Variants in COL11A1 observed in about 807,000 individuals in gnomAD.
The protein encoded by COL11A1 is collagen type XI alpha 1 chain.
Under a neutral mutation model 265.2 loss-of-function variants are expected in COL11A1, and 74 were observed. The observed-to-expected ratio is 0.28, with a 90% confidence interval of 0.23 to 0.34. The LOEUF (loss-of-function observed/expected upper bound fraction) is 0.34. Among genes scored for constraint, COL11A1 ranks in the 10% least tolerant of loss-of-function variants. The pLI, the probability that COL11A1 is intolerant of heterozygous loss-of-function variation, is 1.00. For missense variants in COL11A1, 2,165 were observed against 2,263.6 expected (o/e 0.96, Z 0.88); for synonymous variants, 816 against 727.6 (o/e 1.12, Z -1.96).
At chr1:103,052,369 A>G (rs1669903543) in intron 4 of COL11A1, among the ~76,000 whole-genome samples, 1 of 152,206 alleles carries the variant, frequency 6.6e-6, no homozygotes, top group African/African-American at 2.4e-5. Context: ...GGGCTTTTAC[A>G]CACTAACCCA....
rs762874571 is a variant in COL11A1, at chr1:102,997,092, T to C, written c.2229A>G (p.Glu743=). 6 of 1,611,914 alleles carry C rather than the reference T, an allele frequency of 3.7e-6. No individual in the cohort carries two copies. The South Asian group carries it at 6.6e-5, about 18-fold the overall frequency. The stretch of plus-strand genomic sequence containing the variant: ...CTTTGGAACCTACCAGAGCCCCCTT[T>C]TCTCCAGACTGGCCTTCTTTCCCAG... The part of the protein sequence containing the change: ...GHPGKEGQSG[E]KGALGPPGPQ... The change falls in exon 26 of 67, where the codon GAA becomes GAG. Residue 743 remains glutamate, a synonymous_variant. Coordinates refer to ENST00000370096, the MANE Select transcript of COL11A1 (RefSeq NM_001854.4).
Position 102,913,637 on chromosome 1 carries a change from C to T in COL11A1, c.4032G>A (p.Pro1344=), listed in dbSNP as rs147637674. ...DKGEDGDPGQ[P]GPPGPSGEAG... is the part of the protein sequence containing the mutation. Reference sequence around the variant, plus strand: ...AAAATAAATTAGTGCATTTACTCACCGGTTGACCAGGATCTCCATCTTCAC... The same window carrying T: ...AAAATAAATTAGTGCATTTACTCACTGGTTGACCAGGATCTCCATCTTCAC... The change falls in exon 53 of 67, where the codon CCG becomes CCA. Residue 1344 remains proline (P), a splice_region_variant and synonymous_variant. Transcript: ENST00000370096. 1,799 of 1,613,020 alleles carry T rather than the reference C, an allele frequency of 1.1e-3. 2 individuals carry two copies. Among genetic ancestry groups the T allele is most frequent in the Non-Finnish European group, 1.3e-3 (1,575 of 1,179,256 alleles).
In COL11A1 at chr1:102,984,157, G is replaced by A. The variant is rs1308067070; in HGVS notation, c.2537C>T (p.Pro846Leu). 7 of 1,601,176 alleles carry A rather than the reference G, an allele frequency of 4.4e-6. No individual in the cohort carries two copies. The Admixed American group carries it at 1.2e-4, about 27-fold the overall frequency. The change falls in exon 31 of 67, where the codon CCA becomes CTA. Residue 846 changes from proline (P) to leucine (L), a missense_variant. Transcript: ENST00000370096. ...KLGVPGLPGY[P>L]GRQGPKGSTG... ...TTTTACCTTTGGACCTTGTCTTCCT[G>A]GATATCCTGGTAATCCTGGAACTCC... is the stretch of plus-strand genomic sequence containing the variant.
chr1:103,033,048 C>A (rs1012729816), intron 4 of COL11A1, among the ~76,000 whole-genome samples: 1 of 152,038 alleles, frequency 6.6e-6, no homozygotes, highest in Admixed American at 6.6e-5. Flanking sequence ...CTTTTCCTGG[C>A]CCCTTGTAAA....
Position 102,946,861 on chromosome 1 carries a change from C to T in COL11A1, c.3264G>A (p.Glu1088=). The T allele has an allele frequency of 2.5e-6, 4 of 1,613,344 alleles. No homozygotes were observed. Among genetic ancestry groups the T allele is most frequent in the Non-Finnish European group, 3.4e-6 (4 of 1,179,662 alleles). Residue 1088 remains glutamate, a synonymous_variant, in exon 42 of 67, where the codon GAG becomes GAA. Coordinates refer to ENST00000370096, the MANE Select transcript of COL11A1 (RefSeq NM_001854.4). ...GPQGPPGPAG[E]KGAPGEKGPQ... Reference sequence around the variant, plus strand: ...AGACATTACTTACAGGAGCACCTTTCTCTCCAGCTGGACCAGGAGGACCCT... The same window carrying T: ...AGACATTACTTACAGGAGCACCTTTTTCTCCAGCTGGACCAGGAGGACCCT...
At chr1:102,964,456 A>G (rs1206702851) in intron 38 of COL11A1, among the ~76,000 whole-genome samples, 1 of 152,188 alleles carries the variant, frequency 6.6e-6, no homozygotes, top group Non-Finnish European at 1.5e-5. Flanking sequence ...ACTCTATAAA[A>G]TAACATCGTA....
chr1:103,015,182 A>G (rs1038270689), intron 12 of COL11A1, among the ~76,000 whole-genome samples: 4 of 152,058 alleles, frequency 2.6e-5, no homozygotes, highest in Non-Finnish European at 4.4e-5. Context: ...AACTTTGTTC[A>G]TTACATTGAA....
chr1:102,955,840 G>A lies in COL11A1; in HGVS notation c.3168+6026C>T, dbSNP rs12036101. Among the ~76,000 whole-genome samples the A allele has an allele frequency of 9.9e-5, 15 of 152,182 alleles. No individual in the cohort carries two copies. The East Asian group carries it at 2.3e-3, about 24-fold the overall frequency. On this transcript the variant is annotated intron_variant, in intron 41 of 66. Transcript: ENST00000370096. ...TGCTGCACTGCCTTACTCTCTTGAT[G>A]TTCAGTCTCTTGCTACTTTCTGCCT... is the stretch of plus-strand genomic sequence containing the variant.
intron 28 of COL11A1, among the ~76,000 whole-genome samples, chr1:102,990,643 C>G (rs1664040913): frequency 6.6e-6 from 1 of 152,046 alleles, no homozygotes; most frequent in African/African-American, 2.4e-5. Flanking sequence ...AATTAAATTA[C>G]TAAGAAATAG....
intron 1 of COL11A1, among the ~76,000 whole-genome samples, chr1:103,101,771 G>C (rs1325508377): frequency 6.6e-6 from 1 of 151,490 alleles, no homozygotes; most frequent in Non-Finnish European, 1.5e-5. Context: ...TGAGGGGATT[G>C]CAAAAGTTAA....
At chr1:102,878,239 C>A in intron 66 of COL11A1, 74 bp from the exon 67 acceptor site, 1 of 1,364,624 alleles carries the variant, frequency 7.3e-7, no homozygotes, top group Non-Finnish European at 1.0e-6. Flanking sequence ...TTTTCTTGGG[C>A]TTCTGAGTGG....
intron 29 of COL11A1, among the ~76,000 whole-genome samples, chr1:102,989,142 C>T (rs1365418030): frequency 6.6e-6 from 1 of 151,972 alleles, no homozygotes; most frequent in Non-Finnish European, 1.5e-5. Context: ...TTCCAGGCAG[C>T]ATAGCTCATT....
intron 1 of COL11A1, 34 bp downstream of exon 1, chr1:103,108,039 A>G: frequency 6.6e-7 from 1 of 1,525,750 alleles, no homozygotes; most frequent in Non-Finnish European, 9.1e-7. Context: ...GACCGACGGC[A>G]ATCTCCCACC....
At chr1:103,089,369 T>C (rs1257205628) in intron 1 of COL11A1, among the ~76,000 whole-genome samples, 1 of 152,170 alleles carries the variant, frequency 6.6e-6, no homozygotes, top group Non-Finnish European at 1.5e-5. Flanking sequence ...TCCCAGTGTC[T>C]TGTATTTCCC....
At position 103,002,850 on chromosome 1, in the gene COL11A1, T is replaced by A. The variant is rs528390147; in HGVS notation, c.1999-59A>T. 2.8e-6 allele frequency: 4 copies of A among 1,443,980 alleles called. No homozygotes were observed. In the African/African-American group the frequency reaches 5.6e-5, roughly 20 times the overall value. The allele number at this position is 1,443,980 out of a possible 1,614,324, so 89.4% of individuals were successfully genotyped here. A position where few individuals can be genotyped will look rare whatever the true frequency, so the allele number is the denominator to read the frequency against. ...TATGTTTTGATGCTAAAACAGAAAA[T>A]CAAAAAGACTAATCTAATATCATGA... On this transcript the variant is annotated intron_variant, in intron 21 of 66. Coordinates refer to ENST00000370096, the MANE Select transcript of COL11A1 (RefSeq NM_001854.4).
intron 1 of COL11A1, among the ~76,000 whole-genome samples, chr1:103,091,272 C>T (rs1275664190): frequency 1.3e-5 from 2 of 151,930 alleles, no homozygotes; most frequent in African/African-American, 4.8e-5. Context: ...ATTCCACATA[C>T]CAACCATGAA....
At chr1:103,017,221 T>A (rs1666636320) in intron 11 of COL11A1, among the ~76,000 whole-genome samples, 1 of 152,048 alleles carries the variant, frequency 6.6e-6, no homozygotes. Flanking sequence ...TTAAAAATCT[T>A]CCTTCATTAA....
At chr1:102,915,110 TG>T (rs1205182220) in intron 50 of COL11A1, among the ~76,000 whole-genome samples, 2 of 152,120 alleles carry the variant, frequency 1.3e-5, no homozygotes, top group Non-Finnish European at 2.9e-5. Context: ...TTTACCACGT[TG>T]GGCCAGACAA....
At chr1:102,895,733 T>A (rs887032061) in intron 57 of COL11A1, among the ~76,000 whole-genome samples, 68 of 151,404 alleles carry the variant, frequency 4.5e-4, no homozygotes, top group Admixed American at 3.8e-3. Context: ...TCGTATCATA[T>A]TTCTAAACAG....
Sources: allele counts gnomAD v4.1 joint callset (sites outside exome capture counted in the v4.1 genomes callset), GRCh38; gene constraint gnomAD v4.1.1; transcripts MANE v1.5; gene names NCBI Gene and HGNC (gene_info 2026-07-23, HGNC 2026-07-21).